The following SPAG16 variants were observed in gnomAD, a reference collection of about 807,000 sequenced individuals.
SPAG16 encodes sperm associated antigen 16.
SPAG16 carries 86 observed loss-of-function variants against 80.4 expected under a neutral mutation model. That is an observed-to-expected ratio of 1.07 (90% CI 0.90 to 1.28). The LOEUF is 1.28. SPAG16 is among the 50% of genes most tolerant of loss of function. The probability of loss-of-function intolerance (pLI) is 0.00; values close to 1 mark genes in which losing one functional copy is unlikely to be tolerated. For synonymous variants in SPAG16, 294 were observed against 265.9 expected (o/e 1.11, Z -1.03); for missense variants, 870 against 765.3 (o/e 1.14, Z -1.61).
intron 12 of SPAG16, among the ~76,000 whole-genome samples, chr2:213,959,259 T>C (rs1467339412): frequency 6.6e-6 from 1 of 152,194 alleles, no homozygotes; most frequent in Non-Finnish European, 1.5e-5. Flanking sequence ...TACTTGAAGG[T>C]CTTTGTACTT....
At chr2:214,337,270 A>G (rs1176288007) in intron 15 of SPAG16, among the ~76,000 whole-genome samples, 1 of 152,192 alleles carries the variant, frequency 6.6e-6, no homozygotes, top group Non-Finnish European at 1.5e-5. Flanking sequence ...CTTGTTGTAA[A>G]AATACTGAAG....
At chr2:213,320,887 A>C (rs1213044416) in intron 5 of SPAG16, among the ~76,000 whole-genome samples, 1 of 151,910 alleles carries the variant, frequency 6.6e-6, no homozygotes, top group East Asian at 1.9e-4. Flanking sequence ...GTTTTGAAAA[A>C]AGTTTTCCGA....
intron 15 of SPAG16, among the ~76,000 whole-genome samples, chr2:214,348,981 C>T (rs1271151323): frequency 1.3e-5 from 2 of 152,068 alleles, no homozygotes; most frequent in Admixed American, 6.5e-5. Context: ...TTTACTTTTA[C>T]AATTAAATTT....
intron 3 of SPAG16, among the ~76,000 whole-genome samples, chr2:213,306,657 A>G (rs1210036182): frequency 6.6e-6 from 1 of 151,898 alleles, no homozygotes; most frequent in Non-Finnish European, 1.5e-5. Flanking sequence ...CCCTCTTGCT[A>G]GGGCTGGTTG....
At chr2:213,920,093 A>T (rs2078143085) in intron 11 of SPAG16, among the ~76,000 whole-genome samples, 1 of 152,124 alleles carries the variant, frequency 6.6e-6, no homozygotes, top group Non-Finnish European at 1.5e-5. Flanking sequence ...GTCTAAAATT[A>T]GGATAGTAAC....
At chr2:213,625,814 AG>A (rs2061941392) in intron 10 of SPAG16, among the ~76,000 whole-genome samples, 1 of 151,858 alleles carries the variant, frequency 6.6e-6, no homozygotes, top group African/African-American at 2.4e-5. Context: ...CAGCCTCCGG[AG>A]TAGCTGGAAT....
intron 10 of SPAG16, among the ~76,000 whole-genome samples, chr2:213,613,267 T>C (rs1384829730): frequency 6.6e-6 from 1 of 152,166 alleles, no homozygotes; most frequent in East Asian, 1.9e-4. Flanking sequence ...TATATGGAGA[T>C]CATTGTACTC....
chr2:214,015,600 G>GA (rs61341736), intron 13 of SPAG16, among the ~76,000 whole-genome samples: 21,796 of 144,406 alleles, frequency 0.15, 2,557 homozygotes, highest in African/African-American at 0.34. Flanking sequence ...CTCCATCTCA[G>GA]AAAAAAAAAA....
chr2:213,375,951 A>G (rs1388399307), intron 9 of SPAG16, among the ~76,000 whole-genome samples: 1 of 150,226 alleles, frequency 6.7e-6, no homozygotes, highest in Admixed American at 6.6e-5. Context: ...ATTTTTATAA[A>G]TTTGTATAAA....
chr2:214,336,320 A>T (rs1278572724), intron 15 of SPAG16, among the ~76,000 whole-genome samples: 3 of 152,158 alleles, frequency 2.0e-5, no homozygotes, highest in African/African-American at 7.2e-5. Context: ...CACCCTTTGG[A>T]GCATAATCCA....
intron 11 of SPAG16, among the ~76,000 whole-genome samples, chr2:213,925,825 C>G: frequency 6.6e-6 from 1 of 152,234 alleles, no homozygotes; most frequent in South Asian, 2.1e-4. Flanking sequence ...ATATAAAGAG[C>G]TTATTAGTGT....
rs544080425 is a variant in SPAG16, at chr2:213,285,791, C to T, written c.136+1172C>T. 196 of 694,464 alleles carry T rather than the reference C, an allele frequency of 2.8e-4. No homozygotes were observed. The South Asian group carries it at 2.9e-3, about 10-fold the overall frequency. 43.0% of individuals were successfully genotyped at this position (694,464 alleles called of 1,614,324 possible). On this transcript the variant is annotated intron_variant, in intron 1 of 15. Coordinates refer to ENST00000331683, the MANE Select transcript of SPAG16 (RefSeq NM_024532.5). ...AAGAAATATATGGGTGCTTTAGTGT[C>T]ATAAATGAGGTTTTATACTGTTTTC... is the stretch of plus-strand genomic sequence containing the variant.
intron 13 of SPAG16, among the ~76,000 whole-genome samples, chr2:214,091,491 A>G (rs1330422406): frequency 6.6e-6 from 1 of 152,142 alleles, no homozygotes; most frequent in Non-Finnish European, 1.5e-5. Context: ...TGCTGTATAT[A>G]CCTGCATAAC....
chr2:214,270,491 T>C (rs910337744), intron 15 of SPAG16, among the ~76,000 whole-genome samples: 3 of 152,172 alleles, frequency 2.0e-5, no homozygotes, highest in Non-Finnish European at 4.4e-5. Flanking sequence ...GCTTACAACA[T>C]ACTGTGCTTA....
At chr2:213,766,636 A>T (rs140874861) in intron 10 of SPAG16, among the ~76,000 whole-genome samples, 344 of 152,298 alleles carry the variant, frequency 2.3e-3, no homozygotes, top group African/African-American at 8.0e-3. Context: ...AAAGCACCAA[A>T]CAAAAAGGCT....
At chr2:214,152,784 T>G (rs1156530412) in intron 15 of SPAG16, among the ~76,000 whole-genome samples, 7 of 152,094 alleles carry the variant, frequency 4.6e-5, no homozygotes, top group Non-Finnish European at 1.0e-4. Context: ...GGGTCACGTG[T>G]CCACTGGACA....
chr2:214,080,101 A>G (rs2051295450), intron 13 of SPAG16, among the ~76,000 whole-genome samples: 1 of 152,202 alleles, frequency 6.6e-6, no homozygotes, highest in African/African-American at 2.4e-5. Context: ...GTTAATTTGT[A>G]AGAATTCAAT....
chr2:213,841,059 T>C (rs1340686422), intron 10 of SPAG16, among the ~76,000 whole-genome samples: 4 of 152,318 alleles, frequency 2.6e-5, no homozygotes, highest in African/African-American at 9.6e-5. Context: ...TTTAGGCATA[T>C]AGCATTTCTA....
intron 12 of SPAG16, among the ~76,000 whole-genome samples, chr2:213,940,433 G>A (rs1230710717): frequency 6.6e-6 from 1 of 151,980 alleles, no homozygotes; most frequent in Non-Finnish European, 1.5e-5. Context: ...AGTACAGGCA[G>A]GCACAACTAC....
Sources: gnomAD v4.1 joint callset for allele counts (sites outside exome capture counted in the v4.1 genomes callset) on GRCh38, gnomAD v4.1.1 for gene constraint, MANE v1.5 for transcripts, NCBI Gene and HGNC (gene_info 2026-07-23, HGNC 2026-07-21) for gene names.